Variants in RFC1 observed in about 807,000 individuals in gnomAD.
RFC1 encodes the protein replication factor C subunit 1, also known as A1 140 kDa subunit.
In RFC1, 37 loss-of-function variants were observed where a neutral mutation model predicts 137.4. The observed-to-expected ratio is 0.27, with a 90% CI of 0.21 to 0.35. The LOEUF is 0.35. RFC1 is among the 10% of genes least tolerant of loss of function. The pLI, the probability that RFC1 is intolerant of heterozygous loss-of-function variation, is 1.00. For missense variants in RFC1, 1,205 were observed against 1,358.5 expected, an observed-to-expected ratio of 0.89 and a Z score of 1.78; for synonymous variants, 429 against 455.7, an observed-to-expected ratio of 0.94 and a Z score of 0.75.
intron 14 of RFC1, among the ~76,000 whole-genome samples, chr4:39,305,766 T>A (rs1395235067): frequency 6.6e-6 from 1 of 152,164 alleles, no homozygotes; most frequent in Non-Finnish European, 1.5e-5. Flanking sequence ...ACTGATTACC[T>A]TATGCCTTAA....
intron 4 of RFC1, chr4:39,341,584 T>C: frequency 2.2e-6 from 1 of 456,146 alleles, no homozygotes; most frequent in Non-Finnish European, 4.4e-6. Flanking sequence ...ATTTTTTCCT[T>C]TGGACTGCTA....
intron 14 of RFC1, 57 bp from the exon 15 acceptor site, chr4:39,304,985 C>CG: frequency 1.0e-6 from 1 of 994,528 alleles, no homozygotes; most frequent in Non-Finnish European, 1.6e-6. Flanking sequence ...CCACCACCCC[C>CG]GCCAAGAAAG....
chr4:39,292,106 A>G (rs1412544995), intron 22 of RFC1: 3 of 453,370 alleles, frequency 6.6e-6, no homozygotes, highest in Non-Finnish European at 1.2e-5. Flanking sequence ...ACATACGTGG[A>G]TTCTACTTCC....
At chr4:39,331,587 C>T (rs1740104084) in intron 4 of RFC1, among the ~76,000 whole-genome samples, 1 of 152,018 alleles carries the variant, frequency 6.6e-6, no homozygotes, top group Admixed American at 6.6e-5. Flanking sequence ...AAAAAATAAC[C>T]TAAATATCTA....
intron 1 of RFC1, among the ~76,000 whole-genome samples, chr4:39,355,312 G>A (rs1349404467): frequency 6.6e-6 from 1 of 151,612 alleles, no homozygotes; most frequent in Non-Finnish European, 1.5e-5. Context: ...CTGCATGCCT[G>A]TAGTCCCAGC....
chr4:39,293,242 G>A (rs1418892600), intron 22 of RFC1, among the ~76,000 whole-genome samples: 1 of 152,112 alleles, frequency 6.6e-6, no homozygotes, highest in East Asian at 1.9e-4. Flanking sequence ...CTAAGCCACA[G>A]TACCCCCAGA....
At chr4:39,361,846 A>T (rs1741774948) in intron 1 of RFC1, among the ~76,000 whole-genome samples, 1 of 152,146 alleles carries the variant, frequency 6.6e-6, no homozygotes, top group African/African-American at 2.4e-5. Flanking sequence ...CAGGAGATCG[A>T]GACCATGGTA....
chr4:39,303,126 C>T lies in RFC1; in HGVS notation c.2136G>A (p.Thr712=), dbSNP rs1342931168. 3 of 1,613,692 alleles carry T rather than the reference C, an allele frequency of 1.9e-6. No homozygotes were observed. Among genetic ancestry groups the T allele is most frequent in the African/African-American group, 2.7e-5 (2 of 74,882 alleles). Residue 712 remains threonine, a synonymous_variant, in exon 16 of 25, where the codon ACG becomes ACA. Coordinates refer to ENST00000349703, the MANE Select transcript of RFC1 (RefSeq NM_002913.5). The stretch of plus-strand genomic sequence containing the variant: ...CTTCATCCATGATGAGAGCATGTTT[C>T]GTGCTTACTGAAGAGGCTGCTCCAT... ...YSNGAASSVS[T]KHALIMDEVD...
chr4:39,289,183 G>A (rs995942962), intron 24 of RFC1, among the ~76,000 whole-genome samples: 1 of 152,178 alleles, frequency 6.6e-6, no homozygotes, highest in African/African-American at 2.4e-5. Flanking sequence ...ATGTTTAGAT[G>A]AAGAATTTCC....
At chr4:39,292,348 G>A (rs935802168) in intron 22 of RFC1, among the ~76,000 whole-genome samples, 13 of 152,026 alleles carry the variant, frequency 8.6e-5, no homozygotes, top group African/African-American at 2.9e-4. Context: ...TTCTAGAGCC[G>A]GCTTTTCTCC....
At chr4:39,301,467 G>T (rs1578112155) in intron 19 of RFC1, among the ~76,000 whole-genome samples, 2 of 152,304 alleles carry the variant, frequency 1.3e-5, no homozygotes, top group East Asian at 3.9e-4. Context: ...TAGGTTCATC[G>T]ATTGTAACAG....
chr4:39,348,459 GA>G (rs770839794), intron 2 of RFC1, among the ~76,000 whole-genome samples: 1 of 138,278 alleles, frequency 7.2e-6, no homozygotes, highest in Non-Finnish European at 1.6e-5. Flanking sequence ...GAAAAGAAAA[GA>G]AAAGAAAAGA....
At chr4:39,339,671 T>C (rs987027490) in intron 4 of RFC1, among the ~76,000 whole-genome samples, 8 of 152,298 alleles carry the variant, frequency 5.3e-5, no homozygotes, top group African/African-American at 1.7e-4. Flanking sequence ...TTGCAAATTT[T>C]TTCCCAATCT....
chr4:39,364,523 G>A (rs1478614410), intron 1 of RFC1, among the ~76,000 whole-genome samples: 1 of 152,124 alleles, frequency 6.6e-6, no homozygotes, highest in African/African-American at 2.4e-5. Context: ...GAGTACTAAA[G>A]AAAGAAAAGA....
chr4:39,298,297 G>C (rs1294765769), intron 21 of RFC1, among the ~76,000 whole-genome samples: 1 of 102,334 alleles, frequency 9.8e-6, no homozygotes, highest in Non-Finnish European at 1.8e-5. Context: ...GACAGAGTGA[G>C]ACCTTGTCTC....
intron 1 of RFC1, 128 bp downstream of exon 1, chr4:39,366,111 C>A: frequency 2.9e-6 from 3 of 1,040,870 alleles, no homozygotes; most frequent in Non-Finnish European, 4.0e-6. Flanking sequence ...CCCTTCTCTG[C>A]CTTTGCTAGC....
chr4:39,302,255 T>A, intron 19 of RFC1, 23 bp downstream of exon 19: 1 of 1,491,744 alleles, frequency 6.7e-7, no homozygotes, highest in East Asian at 2.3e-5. Context: ...GGAAAGTAAC[T>A]AAGACATGGA....
chr4:39,338,347 T>C (rs761490969), intron 4 of RFC1, among the ~76,000 whole-genome samples: 3 of 152,194 alleles, frequency 2.0e-5, no homozygotes, highest in Non-Finnish European at 4.4e-5. Flanking sequence ...AGCTGTATAA[T>C]AATATAAGCA....
At chr4:39,294,507 TA>T (rs1737867200) in intron 22 of RFC1, among the ~76,000 whole-genome samples, 1 of 150,328 alleles carries the variant, frequency 6.7e-6, no homozygotes, top group South Asian at 2.1e-4. Flanking sequence ...CCGTCTCTAC[TA>T]AAAAATACAA....
Sources: gnomAD v4.1 joint callset for allele counts (sites outside exome capture counted in the v4.1 genomes callset) on GRCh38, gnomAD v4.1.1 for gene constraint, MANE v1.5 for transcripts, NCBI Gene and HGNC (gene_info 2026-07-23, HGNC 2026-07-21) for gene names.